The following ELMOD2 variants were observed in gnomAD, a reference collection of about 807,000 sequenced individuals.
ELMOD2 encodes the protein ELMO domain-containing protein 2.
In ELMOD2, 28 loss-of-function variants were observed where a neutral mutation model predicts 41.0. That is an observed-to-expected ratio of 0.68 (90% CI 0.51 to 0.94). The LOEUF is 0.94. Ranked by LOEUF, ELMOD2 falls within the 40% of genes least tolerant of loss-of-function variation. The pLI is 0.00. For missense variants in ELMOD2, 333 were observed against 343.1 expected, an observed-to-expected ratio of 0.97 and a Z score of 0.23; for synonymous variants, 106 against 107.2, an observed-to-expected ratio of 0.99 and a Z score of 0.07.
At chr4:140,530,904 A>G (rs1334003525) in intron 3 of ELMOD2, among the ~76,000 whole-genome samples, 3 of 152,138 alleles carry the variant, frequency 2.0e-5, no homozygotes, top group Non-Finnish European at 2.9e-5. Context: ...TGATATTATC[A>G]ATTACCAGTT....
intron 5 of ELMOD2, among the ~76,000 whole-genome samples, chr4:140,539,608 A>G (rs1363114264): frequency 6.6e-6 from 1 of 152,144 alleles, no homozygotes; most frequent in East Asian, 1.9e-4. Context: ...GGCCTCCCAA[A>G]GGGCTGGGAT....
chr4:140,539,043 A>G (rs915288898), intron 5 of ELMOD2, among the ~76,000 whole-genome samples: 4 of 152,220 alleles, frequency 2.6e-5, no homozygotes, highest in Non-Finnish European at 5.9e-5. Context: ...AGTAGTGACC[A>G]GGTAAACCTA....
intron 4 of ELMOD2, 133 bp downstream of exon 4, chr4:140,535,963 A>C (rs1734911989): frequency 1.3e-6 from 1 of 773,524 alleles, no homozygotes; most frequent in Non-Finnish European, 2.0e-6. Flanking sequence ...TCACTTCACA[A>C]GAGGAGCAGT....
chr4:140,533,909 A>G (rs1432903570), intron 3 of ELMOD2, among the ~76,000 whole-genome samples: 7 of 152,112 alleles, frequency 4.6e-5, no homozygotes, highest in Non-Finnish European at 1.5e-5. Context: ...TTAAAATCAC[A>G]GTGAGAAGAC....
intron 2 of ELMOD2, among the ~76,000 whole-genome samples, chr4:140,527,091 A>G (rs2110816975): frequency 6.6e-6 from 1 of 152,304 alleles, no homozygotes; most frequent in Middle Eastern, 3.4e-3. Flanking sequence ...CAGGCTAACA[A>G]ATGAAAATGC....
At chr4:140,528,791 AG>A (rs1253318692) in intron 3 of ELMOD2, among the ~76,000 whole-genome samples, 1 of 152,196 alleles carries the variant, frequency 6.6e-6, no homozygotes, top group African/African-American at 2.4e-5. Context: ...CATATATATA[AG>A]TGAATATTTG....
At chr4:140,543,285 C>G (rs557110132) in intron 7 of ELMOD2, among the ~76,000 whole-genome samples, 168 bp from the exon 8 acceptor site, 4 of 151,906 alleles carry the variant, frequency 2.6e-5, no homozygotes, top group Non-Finnish European at 5.9e-5. Context: ...CTTTAAAAAG[C>G]AAAAATGTTA....
chr4:140,537,868 A>G (rs1451833802), intron 5 of ELMOD2, among the ~76,000 whole-genome samples: 6 of 151,776 alleles, frequency 4.0e-5, no homozygotes, highest in Non-Finnish European at 8.8e-5. Flanking sequence ...GTATATGTCT[A>G]CAAGTTTCAG....
chr4:140,540,611 G>A (rs896924766), intron 6 of ELMOD2, among the ~76,000 whole-genome samples: 11 of 152,072 alleles, frequency 7.2e-5, no homozygotes, highest in African/African-American at 2.7e-4. Context: ...AGCCAGGCAT[G>A]GTGGCATTTG....
chr4:140,531,793 C>T (rs1488820239), intron 3 of ELMOD2, among the ~76,000 whole-genome samples: 1 of 152,060 alleles, frequency 6.6e-6, no homozygotes, highest in Admixed American at 6.5e-5. Flanking sequence ...GGACGAAGTC[C>T]TTGAAAAACA....
intron 2 of ELMOD2, 21 bp downstream of exon 2, chr4:140,525,591 A>C (rs1252322878): frequency 1.3e-6 from 2 of 1,586,006 alleles, no homozygotes; most frequent in Non-Finnish European, 1.7e-6. Flanking sequence ...TCAAAAAGAA[A>C]AAGTACTAAT....
rs1405916823 is a variant in ELMOD2 at position 140,550,230 on chromosome 4, G to T, written c.737G>T (p.Cys246Phe). 1.2e-6 allele frequency: 2 copies of T among 1,607,418 alleles called. No individual in the cohort carries two copies. Among genetic ancestry groups the T allele is most frequent in the Non-Finnish European group, 1.7e-6 (2 of 1,176,456 alleles). Residue 246 changes from cysteine to phenylalanine, a missense_variant and splice_region_variant, in exon 9 of 9, where the codon TGT becomes TTT. Physicochemically the swap from Cys to Phe is radical, Grantham distance 205. Coordinates refer to ENST00000323570, the MANE Select transcript of ELMOD2 (RefSeq NM_153702.4). ...ATGTTTTGTTTTTCTTTAACTGCAGGTTATCTTGTCTATGAATTTGACAAG... is the reference window on the plus strand; with the variant it reads ...ATGTTTTGTTTTTCTTTAACTGCAGTTTATCTTGTCTATGAATTTGACAAG... ...PTMEHFHQFY[C>F]YLVYEFDKFW...
At chr4:140,545,710 T>C (rs1353939589) in intron 8 of ELMOD2, among the ~76,000 whole-genome samples, 2 of 151,162 alleles carry the variant, frequency 1.3e-5, no homozygotes, top group African/African-American at 4.9e-5. Flanking sequence ...TTTGCTAACT[T>C]GCCTCTAATT....
intron 3 of ELMOD2, among the ~76,000 whole-genome samples, chr4:140,532,545 G>A (rs944235690): frequency 2.0e-5 from 3 of 152,212 alleles, no homozygotes; most frequent in African/African-American, 7.2e-5. Flanking sequence ...GGACATTTCA[G>A]CAGATACTGA....
intron 3 of ELMOD2, chr4:140,528,030 TC>T (rs1169137130): frequency 6.6e-6 from 1 of 152,438 alleles, no homozygotes; most frequent in Non-Finnish European, 1.5e-5. Context: ...TCCTGTCTAT[TC>T]CATTTGTCTC....
At chr4:140,528,893 G>A (rs1034419424) in intron 3 of ELMOD2, among the ~76,000 whole-genome samples, 2 of 152,194 alleles carry the variant, frequency 1.3e-5, no homozygotes, top group African/African-American at 4.8e-5. Flanking sequence ...GGTCCTGAAA[G>A]CTAACAGGTT....
At chr4:140,545,863 T>C (rs1735258623) in intron 8 of ELMOD2, among the ~76,000 whole-genome samples, 2 of 152,064 alleles carry the variant, frequency 1.3e-5, no homozygotes, top group African/African-American at 4.8e-5. Flanking sequence ...TGTGGAGAAA[T>C]AGGAACACTT....
intron 6 of ELMOD2, among the ~76,000 whole-genome samples, chr4:140,540,956 T>C (rs769233825): frequency 1.2e-4 from 19 of 152,190 alleles, no homozygotes; most frequent in Non-Finnish European, 2.2e-4. Context: ...GATAATAAAG[T>C]CTCTTTATAT....
chr4:140,539,762 C>T (rs1011651751), intron 5 of ELMOD2, among the ~76,000 whole-genome samples: 5 of 152,142 alleles, frequency 3.3e-5, no homozygotes, highest in Non-Finnish European at 5.9e-5. Context: ...TTTCTTCATG[C>T]TCTTCTGTCT....
Sources: gnomAD v4.1 joint callset for allele counts (sites outside exome capture counted in the v4.1 genomes callset) on GRCh38, gnomAD v4.1.1 for gene constraint, MANE v1.5 for transcripts, NCBI Gene and HGNC (gene_info 2026-07-23, HGNC 2026-07-21) for gene names.